The following TPRG1 variants were observed in gnomAD, a reference collection of about 807,000 sequenced individuals.
TPRG1 encodes the protein tumor protein p63-regulated gene 1 protein.
A neutral mutation model predicts 29.3 loss-of-function variants in TPRG1; 29 were observed. That is an observed-to-expected ratio of 0.99 (90% CI 0.74 to 1.35). TPRG1 has a LOEUF of 1.35. TPRG1 is among the 40% of genes most tolerant of loss of function. TPRG1 has a pLI of 0.00. For missense variants in TPRG1, 327 were observed against 335.0 expected (o/e 0.98, Z 0.19); for synonymous variants, 130 against 116.8 (o/e 1.11, Z -0.73).
chr3:189,006,081 A>G (rs1168612035), intron 3 of TPRG1, among the ~76,000 whole-genome samples: 2 of 152,126 alleles, frequency 1.3e-5, no homozygotes, highest in African/African-American at 2.4e-5. Context: ...GTATTTACTA[A>G]TATACATATT....
chr3:189,066,296 G>A (rs903399335), intron 4 of TPRG1, among the ~76,000 whole-genome samples: 4 of 151,978 alleles, frequency 2.6e-5, no homozygotes, highest in Non-Finnish European at 5.9e-5. Context: ...GAGGATAAGA[G>A]AATATTTCCA....
chr3:189,024,923 A>G (rs1016285864), intron 4 of TPRG1, among the ~76,000 whole-genome samples: 1 of 152,230 alleles, frequency 6.6e-6, no homozygotes, highest in Non-Finnish European at 1.5e-5. Context: ...GCTTCGTCCC[A>G]TCTCAGACAG....
At chr3:189,223,879 T>C (rs954706960) in intron 3 of TPRG1, among the ~76,000 whole-genome samples, 7 of 152,192 alleles carry the variant, frequency 4.6e-5, no homozygotes, top group Non-Finnish European at 1.0e-4. Flanking sequence ...AGTAGTAATA[T>C]TTATTTATAT....
intron 1 of TPRG1, among the ~76,000 whole-genome samples, chr3:189,109,105 G>T (rs544094205): frequency 4.6e-5 from 7 of 152,164 alleles, no homozygotes; most frequent in Admixed American, 3.3e-4. Context: ...GAAACAAGCA[G>T]AGGAGAGAGC....
intron 3 of TPRG1, among the ~76,000 whole-genome samples, chr3:189,007,105 A>G (rs1712331808): frequency 6.6e-6 from 1 of 152,078 alleles, no homozygotes; most frequent in South Asian, 2.1e-4. Context: ...CAGAGTGAAC[A>G]GGCAACCTAC....
At chr3:189,118,756 A>G (rs1205429309) in intron 1 of TPRG1, among the ~76,000 whole-genome samples, 2 of 152,250 alleles carry the variant, frequency 1.3e-5, no homozygotes, top group African/African-American at 4.8e-5. Flanking sequence ...GGTACACAGA[A>G]GTCAAGAACT....
intron 4 of TPRG1, among the ~76,000 whole-genome samples, chr3:189,091,826 A>C (rs1718356412): frequency 6.6e-6 from 1 of 151,798 alleles, no homozygotes; most frequent in Non-Finnish European, 1.5e-5. Flanking sequence ...TGTGTTACTT[A>C]TTTTATCTAT....
At chr3:189,195,464 G>A (rs927442557) in intron 1 of TPRG1, among the ~76,000 whole-genome samples, 10 of 152,176 alleles carry the variant, frequency 6.6e-5, no homozygotes, top group African/African-American at 1.9e-4. Flanking sequence ...ACTGGTCTGC[G>A]GTGGTTTGGC....
intron 3 of TPRG1, among the ~76,000 whole-genome samples, chr3:189,015,946 C>T (rs573842577): frequency 1.3e-5 from 2 of 152,240 alleles, no homozygotes; most frequent in South Asian, 4.2e-4. Flanking sequence ...GTTGGAGCCC[C>T]CACACAGAGT....
chr3:189,022,978 C>G (rs530042614), intron 3 of TPRG1, among the ~76,000 whole-genome samples: 1 of 152,010 alleles, frequency 6.6e-6, no homozygotes, highest in African/African-American at 2.4e-5. Flanking sequence ...CGGGTGGGAG[C>G]GACCCGATTT....
At chr3:189,220,199 A>G (rs1278285568) in intron 3 of TPRG1, among the ~76,000 whole-genome samples, 1 of 152,112 alleles carries the variant, frequency 6.6e-6, no homozygotes, top group African/African-American at 2.4e-5. Context: ...TCTGTTGTGC[A>G]AAGACTCCCC....
intron 3 of TPRG1, among the ~76,000 whole-genome samples, chr3:189,135,074 C>T (rs1258628317): frequency 6.6e-6 from 1 of 152,182 alleles, no homozygotes; most frequent in Admixed American, 6.6e-5. Context: ...AGATGTTGAG[C>T]TCTTCTTTGC....
At chr3:189,250,516 C>CCA in intron 4 of TPRG1, among the ~76,000 whole-genome samples, 1 of 108,432 alleles carries the variant, frequency 9.2e-6, no homozygotes, top group South Asian at 4.9e-4. Flanking sequence ...CCCCCCCCCC[C>CCA]CACCCAGATT....
chr3:189,148,322 G>A (rs915429969), intron 4 of TPRG1, among the ~76,000 whole-genome samples: 3 of 152,166 alleles, frequency 2.0e-5, no homozygotes, highest in African/African-American at 7.2e-5. Context: ...ACAGTTCCTG[G>A]CTGCAAAGGG....
chr3:189,262,803 A>G lies in TPRG1; in HGVS notation c.479+23894A>G, dbSNP rs148741468. On this transcript the variant is annotated intron_variant, in intron 4 of 5. Coordinates refer to ENST00000345063, the MANE Select transcript of TPRG1 (RefSeq NM_198485.4). ...TGTTGGGGCTGGGGGATGCTGTGGCATCTCAGGGCTTATCTGGGGGAAGAT... is the reference window on the plus strand; with the variant it reads ...TGTTGGGGCTGGGGGATGCTGTGGCGTCTCAGGGCTTATCTGGGGGAAGAT... 2.5e-3 allele frequency among the ~76,000 whole-genome samples: 379 copies of G among 152,280 alleles called. 1 individual carries two copies. The highest frequency in any genetic ancestry group is 4.7e-3 in the Non-Finnish European group (321 of 68,016).
intron 3 of TPRG1, among the ~76,000 whole-genome samples, chr3:189,021,794 G>A (rs1488073512): frequency 6.6e-6 from 1 of 152,024 alleles, no homozygotes; most frequent in Non-Finnish European, 1.5e-5. Context: ...GCTAGATTGG[G>A]GAAGTTCTCC....
intron 3 of TPRG1, among the ~76,000 whole-genome samples, chr3:189,234,981 G>C (rs1441190062): frequency 6.6e-6 from 1 of 152,134 alleles, no homozygotes. Flanking sequence ...ATTGCCAGCA[G>C]AGGGAACAGC....
At chr3:189,221,770 A>G (rs993517375) in intron 3 of TPRG1, among the ~76,000 whole-genome samples, 8 of 152,170 alleles carry the variant, frequency 5.3e-5, no homozygotes, top group African/African-American at 1.9e-4. Flanking sequence ...CACACCTACT[A>G]TCCTATGCAA....
chr3:189,129,416 G>T (rs1722857983), intron 2 of TPRG1, among the ~76,000 whole-genome samples: 1 of 152,104 alleles, frequency 6.6e-6, no homozygotes, highest in African/African-American at 2.4e-5. Flanking sequence ...TATATTATTG[G>T]TGACATTAAC....
Sources: gnomAD v4.1 joint callset for allele counts (sites outside exome capture counted in the v4.1 genomes callset) on GRCh38, gnomAD v4.1.1 for gene constraint, MANE v1.5 for transcripts, NCBI Gene and HGNC (gene_info 2026-07-23, HGNC 2026-07-21) for gene names.